Variants in CLSPN observed in about 807,000 individuals in gnomAD.
The protein encoded by CLSPN is claspin homolog.
Under a neutral mutation model 156.3 loss-of-function variants are expected in CLSPN, and 85 were observed. That is an observed-to-expected ratio of 0.54 (90% CI 0.46 to 0.65). CLSPN has a LOEUF of 0.65. CLSPN is among the 30% of genes least tolerant of loss of function. The pLI is 0.00. For missense variants in CLSPN, 1,407 were observed against 1,554.9 expected (o/e 0.90, Z 1.60); for synonymous variants, 534 against 542.4 (o/e 0.98, Z 0.22).
At chr1:35,720,511 G>T (rs6669654) in exon 25 of CLSPN, 4 of 146,070 alleles carry the variant, frequency 2.7e-5, no homozygotes, top group African/African-American at 1.0e-4. Context: ...GTGCAGTGGC[G>T]CAATCTCGGC....
chr1:35,736,744 G>C, intron 24 of CLSPN, 138 bp from the exon 25 acceptor site: 1 of 1,396,092 alleles, frequency 7.2e-7, no homozygotes, highest in Non-Finnish European at 9.5e-7. Context: ...TTCTCGGCAA[G>C]TTTAAAAGTT....
At chr1:35,747,090 A>C (rs1188847383) in intron 14 of CLSPN, 98 bp from the exon 15 acceptor site, 2 of 827,540 alleles carry the variant, frequency 2.4e-6, no homozygotes, top group Non-Finnish European at 4.0e-6. Flanking sequence ...CGGGAGGCCG[A>C]GGCGGGCGGA....
rs1054877752 is a variant in CLSPN, at chr1:35,749,819, A to G, written c.2029-8T>C. On this transcript the variant is annotated splice_region_variant and splice_polypyrimidine_tract_variant and intron_variant, in intron 10 of 24. Coordinates refer to ENST00000318121, the MANE Select transcript of CLSPN (RefSeq NM_022111.4). ...AAGAAGGAATTCTGCAGTCTTTACCAATCAGGCCACCACAAAACAAAAAAT... is the reference window on the plus strand; with the variant it reads ...AAGAAGGAATTCTGCAGTCTTTACCGATCAGGCCACCACAAAACAAAAAAT... 6.2e-7 allele frequency: 1 copy of G among 1,611,726 alleles called. No homozygotes were observed. Among genetic ancestry groups the G allele is most frequent in the Non-Finnish European group, 8.5e-7 (1 of 1,179,092 alleles).
downstream of CLSPN, among the ~76,000 whole-genome samples, chr1:35,728,344 A>T (rs1479876034): frequency 6.6e-6 from 1 of 152,100 alleles, no homozygotes; most frequent in African/African-American, 2.4e-5. Flanking sequence ...AACCTCCCAA[A>T]GTGCTGGGAT....
chr1:35,748,686 C>T, intron 12 of CLSPN, 82 bp from the exon 13 acceptor site: 3 of 1,194,554 alleles, frequency 2.5e-6, no homozygotes, highest in East Asian at 2.3e-5. Flanking sequence ...GAGGATGAAA[C>T]TGTCAGATAA....
chr1:35,764,403 T>G lies in CLSPN; in HGVS notation c.445A>C (p.Lys149Gln), dbSNP rs781265585. 5.6e-6 allele frequency: 9 copies of G among 1,614,014 alleles called. No individual in the cohort carries two copies. The highest frequency in any genetic ancestry group is 1.6e-4 in the Middle Eastern group (1 of 6,062). ...TCATGTATGTGCTTTTTGGAACTCTTTCTGTCAGTGGTAAAGTCTGTAGAG... is the reference window on the plus strand; with the variant it reads ...TCATGTATGTGCTTTTTGGAACTCTGTCTGTCAGTGGTAAAGTCTGTAGAG... Reference protein sequence around the residue: ...GNSTDFTTDRKSSKKHIHDKE... With the variant: ...GNSTDFTTDRQSSKKHIHDKE... The change falls in exon 3 of 25, where the codon AAG (lysine) becomes CAG (glutamine). Residue 149 changes from lysine (K) to glutamine (Q), a missense_variant. Lys to Gln is a moderately conservative substitution (Grantham distance 53). Transcript: ENST00000318121.
intron 18 of CLSPN, among the ~76,000 whole-genome samples, chr1:35,739,734 A>C (rs1471338956): frequency 1.3e-5 from 2 of 152,192 alleles, no homozygotes; most frequent in East Asian, 3.8e-4. Context: ...TGTGATACGC[A>C]CTTAGTATGC....
At chr1:35,769,425 C>T (rs1203809386) in intron 1 of CLSPN, among the ~76,000 whole-genome samples, 1 of 152,244 alleles carries the variant, frequency 6.6e-6, no homozygotes. Flanking sequence ...CCCTAACACC[C>T]TCGCTCGCCC....
chr1:35,734,693 A>G lies in CLSPN; in HGVS notation c.*1803T>C. ...CCTATGTCTCAAAAAAAAAAAAAGA[A>G]AAGAAAAGAAAAGAAAAAGAAAAAG... On this transcript the variant is annotated 3_prime_UTR_variant, in exon 25 of 25. Transcript: ENST00000318121. 1.2e-6 allele frequency: 1 copy of G among 862,644 alleles called. No individual in the cohort carries two copies. The highest frequency in any genetic ancestry group is 1.4e-6 in the Non-Finnish European group (1 of 718,914). The allele number at this position is 862,644 out of a possible 1,614,324, so 53.4% of individuals were successfully genotyped here.
At chr1:35,736,711 A>G (rs932224232) in intron 24 of CLSPN, 105 bp from the exon 25 acceptor site, 2 of 1,452,006 alleles carry the variant, frequency 1.4e-6, no homozygotes, top group Non-Finnish European at 1.8e-6. Context: ...TTAACAACAG[A>G]AAAAAAGAAA....
At chr1:35,756,050 C>T (rs371834432) in intron 8 of CLSPN, among the ~76,000 whole-genome samples, 1 of 152,136 alleles carries the variant, frequency 6.6e-6, no homozygotes, top group Non-Finnish European at 1.5e-5. Context: ...TGACTAGCAT[C>T]TAGATGTGTT....
At chr1:35,730,587 AAAAAG>A (rs1286097967), downstream of CLSPN, among the ~76,000 whole-genome samples, 102 of 150,872 alleles carry the variant, frequency 6.8e-4, no homozygotes, top group African/African-American at 2.3e-3. Flanking sequence ...AAAAAAAAAA[AAAAAG>A]AACAAGAAAC....
chr1:35,736,697 A>G, intron 24 of CLSPN, 91 bp from the exon 25 acceptor site: 2 of 1,490,980 alleles, frequency 1.3e-6, no homozygotes, highest in Admixed American at 2.5e-5. Flanking sequence ...TAAATTGTGG[A>G]TGATTAACAA....
At chr1:35,727,554 GT>G (rs1641220907), downstream of CLSPN, among the ~76,000 whole-genome samples, 1 of 152,196 alleles carries the variant, frequency 6.6e-6, no homozygotes, top group African/African-American at 2.4e-5. Context: ...GGAACAGCAG[GT>G]TTAGATCATG....
In CLSPN at chr1:35,736,000, T is replaced by G. The variant is rs1453290567; in HGVS notation, c.*496A>C. On this transcript the variant is annotated 3_prime_UTR_variant, in exon 25 of 25. Transcript: ENST00000318121. ...TGTGGGGCCGAGGTGGATGGATCAT[T>G]TGAGGTCAGGAGTTCAAGACCAGCC... 2.2e-6 allele frequency: 2 copies of G among 919,274 alleles called. No individual in the cohort carries two copies. Among genetic ancestry groups the G allele is most frequent in the Non-Finnish European group, 2.6e-6 (2 of 770,372 alleles). 56.9% of individuals were successfully genotyped at this position (919,274 alleles called of 1,614,324 possible).
chr1:35,769,131 T>C (rs532211216), intron 1 of CLSPN, among the ~76,000 whole-genome samples: 1 of 152,338 alleles, frequency 6.6e-6, no homozygotes, highest in South Asian at 2.1e-4. Context: ...AGTTTTTGCA[T>C]TAATTTTGGT....
intron 1 of CLSPN, among the ~76,000 whole-genome samples, chr1:35,768,367 CAA>C (rs34205153): frequency 2.9e-4 from 42 of 144,244 alleles, no homozygotes; most frequent in Non-Finnish European, 3.5e-4. Flanking sequence ...GACTCCGTCT[CAA>C]AAAAAAAAAA....
chr1:35,736,971 G>A lies in CLSPN; in HGVS notation c.3852C>T (p.Val1284=), dbSNP rs1641495896. The change falls in exon 24 of 25, where the codon GTC becomes GTT. Residue 1284 remains valine (V), a synonymous_variant. Coordinates refer to ENST00000318121, the MANE Select transcript of CLSPN (RefSeq NM_022111.4). Reference sequence around the variant, plus strand: ...CCTTGACAGGAGAAAGTGTATGAAAGACAAAGTTTCTTGAATTTCGAGGAG... The same window carrying A: ...CCTTGACAGGAGAAAGTGTATGAAAAACAAAGTTTCTTGAATTTCGAGGAG... ...PSAPRNSRNF[V]FHTLSPVKAE... is the part of the protein sequence containing the mutation. The A allele has an allele frequency of 3.1e-6, 5 of 1,614,140 alleles. No homozygotes were observed. Among genetic ancestry groups the A allele is most frequent in the Non-Finnish European group, 3.4e-6 (4 of 1,180,004 alleles).
intron 24 of CLSPN, among the ~76,000 whole-genome samples, chr1:35,723,769 TC>T (rs1641121882): frequency 6.6e-6 from 1 of 152,140 alleles, no homozygotes; most frequent in African/African-American, 2.4e-5. Flanking sequence ...AGCGGACAGA[TC>T]ACTGGAGGCT....
Sources: allele counts gnomAD v4.1 joint callset (sites outside exome capture counted in the v4.1 genomes callset), GRCh38; gene constraint gnomAD v4.1.1; transcripts MANE v1.5; gene names NCBI Gene and HGNC (gene_info 2026-07-23, HGNC 2026-07-21).